Variants in CCDC148 observed in about 807,000 individuals in gnomAD.
The protein encoded by CCDC148 is coiled-coil domain-containing protein 148.
CCDC148 carries 89 observed loss-of-function variants against 85.7 expected under a neutral mutation model. That is an observed-to-expected ratio of 1.04 (90% CI 0.87 to 1.24). The LOEUF (loss-of-function observed/expected upper bound fraction) is 1.24, where lower values mean the gene tolerates loss of function less well. Ranked by LOEUF, CCDC148 falls within the 50% of genes most tolerant of loss-of-function variation. The pLI is 0.00. For missense variants in CCDC148, 692 were observed against 671.7 expected (o/e 1.03, Z -0.33); for synonymous variants, 230 against 213.9 (o/e 1.08, Z -0.66).
intron 1 of CCDC148, among the ~76,000 whole-genome samples, chr2:158,449,250 AT>A (rs1315996134): frequency 2.6e-5 from 4 of 152,134 alleles, no homozygotes; most frequent in African/African-American, 9.7e-5. Context: ...TCCTAGTAGG[AT>A]TTTTTATGTA....
At chr2:158,259,609 C>G (rs1689139982) in intron 9 of CCDC148, among the ~76,000 whole-genome samples, 1 of 103,796 alleles carries the variant, frequency 9.6e-6, no homozygotes, top group African/African-American at 2.9e-5. Flanking sequence ...ATTTTTGCTT[C>G]CCTGCTCAAG....
chr2:158,250,957 A>C, intron 9 of CCDC148, 45 bp from the exon 10 acceptor site: 1 of 1,546,690 alleles, frequency 6.5e-7, no homozygotes, highest in East Asian at 2.3e-5. Flanking sequence ...ATGCACACTG[A>C]AGTTATTTCA....
rs142323036 is a variant in CCDC148, at chr2:158,318,903, G to A, written c.765-5009C>T. Among the ~76,000 whole-genome samples, 431 of 152,088 alleles carry A rather than the reference G, an allele frequency of 2.8e-3. 4 individuals are homozygous for A. Among genetic ancestry groups the A allele is most frequent in the African/African-American group, 0.01 (416 of 41,488 alleles). On this transcript the variant is annotated intron_variant, in intron 7 of 13. Transcript: ENST00000283233. Reference sequence around the variant, plus strand: ...TTCTGCCTTAGCCTCCCACAGAGCTGGGACTACAGGCACTTGCCACCACAC... The same window carrying A: ...TTCTGCCTTAGCCTCCCACAGAGCTAGGACTACAGGCACTTGCCACCACAC...
intron 1 of CCDC148, among the ~76,000 whole-genome samples, chr2:158,381,419 C>T (rs1446976936): frequency 1.3e-5 from 2 of 152,044 alleles, no homozygotes. Flanking sequence ...AGTGCAATAC[C>T]TCTATAAACA....
chr2:158,428,354 G>A (rs555938626), intron 1 of CCDC148, among the ~76,000 whole-genome samples: 1 of 152,232 alleles, frequency 6.6e-6, no homozygotes, highest in South Asian at 2.1e-4. Flanking sequence ...AACTGTCCAA[G>A]ATCTGATCCT....
chr2:158,260,860 C>T (rs551967708), intron 9 of CCDC148, among the ~76,000 whole-genome samples: 18 of 151,920 alleles, frequency 1.2e-4, no homozygotes, highest in African/African-American at 4.3e-4. Context: ...TCAAGGAAAT[C>T]AGAGTAGACA....
chr2:158,176,301 A>G (rs1684581275), intron 13 of CCDC148, among the ~76,000 whole-genome samples: 1 of 152,092 alleles, frequency 6.6e-6, no homozygotes, highest in Non-Finnish European at 1.5e-5. Context: ...GATTTATAAC[A>G]TTTTTAGGTA....
chr2:158,211,533 CAACA>C (rs1397783765), intron 11 of CCDC148, among the ~76,000 whole-genome samples: 1 of 152,198 alleles, frequency 6.6e-6, no homozygotes, highest in Admixed American at 6.5e-5. Context: ...CAAGTAAATG[CAACA>C]GACAGATCAA....
At chr2:158,369,790 T>A (rs938692055) in intron 1 of CCDC148, among the ~76,000 whole-genome samples, 1 of 152,144 alleles carries the variant, frequency 6.6e-6, no homozygotes, top group Non-Finnish European at 1.5e-5. Flanking sequence ...CCATTCAGTA[T>A]GATATTAGCT....
chr2:158,398,953 G>A (rs1020016035), intron 1 of CCDC148, among the ~76,000 whole-genome samples: 8 of 152,014 alleles, frequency 5.3e-5, no homozygotes, highest in South Asian at 2.1e-4. Flanking sequence ...TATCACCACC[G>A]ATCCCACAGA....
chr2:158,322,054 A>C (rs1418774447), intron 7 of CCDC148, among the ~76,000 whole-genome samples: 1 of 152,188 alleles, frequency 6.6e-6, no homozygotes, highest in South Asian at 2.1e-4. Flanking sequence ...ACTAATGAAA[A>C]CATAAATTGT....
At chr2:158,403,545 G>C (rs2193699) in intron 1 of CCDC148, among the ~76,000 whole-genome samples, 135,095 of 152,036 alleles carry the variant, frequency 0.89, 60,781 homozygotes, top group Non-Finnish European at 0.96. Context: ...AAGCGGTTCA[G>C]AAACCTGACA....
intron 10 of CCDC148, among the ~76,000 whole-genome samples, chr2:158,248,658 G>A (rs528053951): frequency 2.0e-5 from 3 of 152,106 alleles, no homozygotes; most frequent in East Asian, 3.9e-4. Flanking sequence ...TGCAACCAGG[G>A]ACAAAAATGC....
At chr2:158,374,503 T>C (rs1441139413) in intron 1 of CCDC148, among the ~76,000 whole-genome samples, 3 of 151,928 alleles carry the variant, frequency 2.0e-5, no homozygotes, top group African/African-American at 7.3e-5. Context: ...CAAACAATAC[T>C]ACCCCCTTCT....
chr2:158,371,633 G>A (rs1684444694), intron 1 of CCDC148, among the ~76,000 whole-genome samples: 1 of 151,144 alleles, frequency 6.6e-6, no homozygotes, highest in Non-Finnish European at 1.5e-5. Context: ...ATGTAACTTG[G>A]CCATCTTTCC....
chr2:158,284,689 T>G (rs950732582), intron 9 of CCDC148, among the ~76,000 whole-genome samples: 5 of 152,210 alleles, frequency 3.3e-5, no homozygotes, highest in African/African-American at 1.2e-4. Context: ...AGCATGTTCA[T>G]TGGAAGAGGC....
intron 7 of CCDC148, among the ~76,000 whole-genome samples, chr2:158,321,766 G>A (rs1478267764): frequency 6.6e-6 from 1 of 152,162 alleles, no homozygotes; most frequent in Non-Finnish European, 1.5e-5. Flanking sequence ...GCCTTCTGAT[G>A]CTGACTTTTA....
chr2:158,227,707 A>G (rs1187823022), intron 10 of CCDC148, among the ~76,000 whole-genome samples: 2 of 152,214 alleles, frequency 1.3e-5, no homozygotes, highest in Non-Finnish European at 2.9e-5. Flanking sequence ...GAAATGGGGA[A>G]ATGATTCCCT....
At chr2:158,326,662 T>C (rs1192910540) in intron 7 of CCDC148, among the ~76,000 whole-genome samples, 1 of 152,190 alleles carries the variant, frequency 6.6e-6, no homozygotes, top group African/African-American at 2.4e-5. Context: ...ATTTTCCTGT[T>C]ACTTCATTTT....
Sources: gnomAD v4.1 joint callset for allele counts (sites outside exome capture counted in the v4.1 genomes callset) on GRCh38, gnomAD v4.1.1 for gene constraint, MANE v1.5 for transcripts, NCBI Gene and HGNC (gene_info 2026-07-23, HGNC 2026-07-21) for gene names.